The following CATSPERG variants were observed in gnomAD, a reference collection of about 807,000 sequenced individuals.
CATSPERG encodes cation channel sperm-associated auxiliary subunit gamma.
In CATSPERG, 115 loss-of-function variants were observed where a neutral mutation model predicts 145.0. That is an observed-to-expected ratio of 0.79 (90% confidence interval 0.68 to 0.93). The LOEUF is 0.93. CATSPERG is among the 40% of genes least tolerant of loss of function. The pLI is 0.00. For missense variants in CATSPERG, 1,296 were observed against 1,490.1 expected (o/e 0.87, Z 2.14); for synonymous variants, 588 against 589.0 (o/e 1.00, Z 0.02).
At chr19:38,354,682 G>A (rs757178935) in intron 8 of CATSPERG, 28 bp from the exon 9 acceptor site, 2 of 1,611,564 alleles carry the variant, frequency 1.2e-6, no homozygotes, top group African/African-American at 2.7e-5. Context: ...AACCACCTGG[G>A]TCTGAGGCCC....
intron 7 of CATSPERG, chr19:38,349,120 C>T (rs1970091507): frequency 6.6e-6 from 1 of 152,040 alleles, no homozygotes; most frequent in Non-Finnish European, 1.5e-5. Flanking sequence ...TCCTATGATC[C>T]TGTTTTAGTT....
In CATSPERG at chr19:38,358,419, C is replaced by G; in HGVS notation, c.1367-13C>G. ...CTTCACTGCTGTGTCCTCTCTTCCT[C>G]TGCTCCGGTCAGCTCGAGGATTGGA... On this transcript the variant is annotated splice_polypyrimidine_tract_variant and intron_variant, in intron 12 of 28. Coordinates refer to ENST00000409235, the MANE Select transcript of CATSPERG (RefSeq NM_021185.5). The G allele has an allele frequency of 6.2e-7, 1 of 1,614,178 alleles. No homozygotes were observed. Among genetic ancestry groups the G allele is most frequent in the South Asian group, 1.1e-5 (1 of 91,092 alleles).
Position 38,344,120 on chromosome 19 carries a change from G to C in CATSPERG, c.596+1G>C. The C allele has an allele frequency of 6.4e-7, 1 of 1,551,572 alleles. No homozygotes were observed. The highest frequency in any genetic ancestry group is 8.7e-7 in the Non-Finnish European group (1 of 1,146,940). On this transcript the variant is annotated splice_donor_variant, in intron 5 of 28. Coordinates refer to ENST00000409235, the MANE Select transcript of CATSPERG (RefSeq NM_021185.5). LOFTEE classifies it high-confidence loss of function. ...TGGGGACCTTCATTCCAGATAAAAG[G>C]TACCCTTTCCCAAGACGGGGGCTGG...
At chr19:38,370,366 C>T (rs1970525711) in intron 28 of CATSPERG, 108 bp downstream of exon 28, 1 of 1,394,220 alleles carries the variant, frequency 7.2e-7, no homozygotes, top group Non-Finnish European at 1.0e-6. Context: ...CTCATCTAGC[C>T]ATGCTGACTG....
intron 4 of CATSPERG, 65 bp from the exon 5 acceptor site, chr19:38,343,928 G>T: frequency 6.5e-7 from 1 of 1,533,886 alleles, no homozygotes; most frequent in Non-Finnish European, 8.8e-7. Context: ...TCCCAGGGTG[G>T]TCTGGGGCCT....
chr19:38,364,701 C>G (rs895514113), intron 20 of CATSPERG, among the ~76,000 whole-genome samples, 190 bp from the exon 21 acceptor site: 7 of 152,274 alleles, frequency 4.6e-5, no homozygotes, highest in Non-Finnish European at 1.0e-4. Context: ...TGGCGGATCA[C>G]TCGCGGTTAG....
intron 3 of CATSPERG, among the ~76,000 whole-genome samples, chr19:38,340,167 C>A (rs1969913332): frequency 6.6e-6 from 1 of 151,846 alleles, no homozygotes; most frequent in Non-Finnish European, 1.5e-5. Context: ...TGAGATTATT[C>A]TTTCCCCGCT....
At chr19:38,350,358 C>G (rs1459897565) in intron 7 of CATSPERG, among the ~76,000 whole-genome samples, 1 of 152,070 alleles carries the variant, frequency 6.6e-6, no homozygotes, top group Non-Finnish European at 1.5e-5. Flanking sequence ...TCTCTTGGAC[C>G]ACATTCCTCT....
rs376438467 is a variant in CATSPERG at position 38,356,776 on chromosome 19, C to T, written c.1230C>T (p.Ile410=). The part of the protein sequence containing the change: ...TTCSIIWSEY[I]AGEYTLLLLV... ...GCTCCATAATTTGGTCTGAATACAT[C>T]GCGGGTGAGTATACTCTACTGCTGC... Residue 410 remains isoleucine (I), a synonymous_variant, in exon 11 of 29, where the codon ATC becomes ATT. Coordinates refer to ENST00000409235, the MANE Select transcript of CATSPERG (RefSeq NM_021185.5). The T allele has an allele frequency of 1.3e-5, 21 of 1,614,126 alleles. No homozygotes were observed. Among genetic ancestry groups the T allele is most frequent in the Middle Eastern group, 1.6e-4 (1 of 6,062 alleles).
intron 26 of CATSPERG, 81 bp downstream of exon 26, chr19:38,368,218 G>T (rs1970489481): frequency 2.4e-6 from 3 of 1,228,588 alleles, no homozygotes; most frequent in South Asian, 1.2e-5. Flanking sequence ...CCCCTAGGAG[G>T]CCTCTTGATC....
chr19:38,349,133 T>A (rs1970091802), intron 7 of CATSPERG: 1 of 152,072 alleles, frequency 6.6e-6, no homozygotes. Flanking sequence ...TTTTAGTTCT[T>A]TTTCTTTTTT....
Position 38,358,478 on chromosome 19 carries a change from C to G in CATSPERG, c.1413C>G (p.Thr471=). The G allele has an allele frequency of 6.2e-7, 1 of 1,614,172 alleles. No individual in the cohort carries two copies. Among genetic ancestry groups the G allele is most frequent in the Non-Finnish European group, 8.5e-7 (1 of 1,180,024 alleles). Reference sequence around the variant, plus strand: ...TGATCCTAGGGACAGAGTCCTACACCAGCACTGCAATGGCCCCCAAGGGCA... The same window carrying G: ...TGATCCTAGGGACAGAGTCCTACACGAGCACTGCAATGGCCCCCAAGGGCA... The part of the protein sequence containing the change: ...FLMILGTESY[T]STAMAPKGIF... The change falls in exon 13 of 29, where the codon ACC becomes ACG. Residue 471 remains threonine (T), a synonymous_variant. Transcript: ENST00000409235.
rs199876393 is a variant in CATSPERG, at chr19:38,367,276, G to T, written c.2734G>T (p.Val912Leu). 4 of 1,613,456 alleles carry T rather than the reference G, an allele frequency of 2.5e-6. No individual in the cohort carries two copies. Among genetic ancestry groups the T allele is most frequent in the Non-Finnish European group, 3.4e-6 (4 of 1,180,008 alleles). Reference sequence around the variant, plus strand: ...CAAACACTACTTTGACTGCGTTAACGTGAACCCGGAGATGCCCTGCTTTCT... The same window carrying T: ...CAAACACTACTTTGACTGCGTTAACTTGAACCCGGAGATGCCCTGCTTTCT... ...KNKHYFDCVN[V>L]NPEMPCFLFR... Residue 912 changes from valine to leucine, a missense_variant, in exon 23 of 29, where the codon GTG becomes TTG. Physicochemically the swap from Val to Leu is conservative, Grantham distance 32 (BLOSUM62 1). Coordinates refer to ENST00000409235, the MANE Select transcript of CATSPERG (RefSeq NM_021185.5).
At chr19:38,363,953 A>G (rs1462068409) in intron 20 of CATSPERG, among the ~76,000 whole-genome samples, 1 of 152,236 alleles carries the variant, frequency 6.6e-6, no homozygotes, top group Non-Finnish European at 1.5e-5. Flanking sequence ...CATTGTCATC[A>G]TGGCCCGTTC....
At chr19:38,340,518 C>T (rs184837993) in intron 3 of CATSPERG, among the ~76,000 whole-genome samples, 1 of 151,938 alleles carries the variant, frequency 6.6e-6, no homozygotes, top group African/African-American at 2.4e-5. Flanking sequence ...TGGGGTTTCT[C>T]CATATTGGTC....
chr19:38,368,190 G>A (rs1970488654), intron 26 of CATSPERG, 53 bp downstream of exon 26: 3 of 1,505,368 alleles, frequency 2.0e-6, no homozygotes, highest in Non-Finnish European at 2.8e-6. Context: ...AGTCCATTGG[G>A]CCCACCTATC....
intron 7 of CATSPERG, among the ~76,000 whole-genome samples, chr19:38,352,042 A>C (rs1970151181): frequency 6.6e-6 from 1 of 152,174 alleles, no homozygotes; most frequent in Non-Finnish European, 1.5e-5. Context: ...GGGCACACGA[A>C]GCCTGAACTG....
Position 38,370,740 on chromosome 19 carries a change from C to T in CATSPERG, c.3428C>T (p.Thr1143Ile), listed in dbSNP as rs1021127540. The T allele has an allele frequency of 1.9e-6, 3 of 1,613,976 alleles. No homozygotes were observed. Among genetic ancestry groups the T allele is most frequent in the Non-Finnish European group, 2.5e-6 (3 of 1,180,016 alleles). Residue 1143 changes from threonine to isoleucine, a missense_variant, in exon 29 of 29, where the codon ACA becomes ATA. Transcript: ENST00000409235. ...GGCTCCATGTTCAGCTCCAGGATGA[C>T]AGAGGACAGGGCTGAACCCAAGGAA... ...RMGSMFSSRM[T>I]EDRAEPKEAV...
At chr19:38,337,812 G>A (rs1307451820) in intron 3 of CATSPERG, 166 bp downstream of exon 3, 5 of 565,844 alleles carry the variant, frequency 8.8e-6, no homozygotes, top group African/African-American at 3.8e-5. Context: ...TCCGCCTCCC[G>A]TGTTCAAGCG....
Sources: gnomAD v4.1 joint callset for allele counts (sites outside exome capture counted in the v4.1 genomes callset) on GRCh38, gnomAD v4.1.1 for gene constraint, MANE v1.5 for transcripts, NCBI Gene and HGNC (gene_info 2026-07-23, HGNC 2026-07-21) for gene names.